The following CCDC125 variants were observed in gnomAD, a reference collection of about 807,000 sequenced individuals.
The protein encoded by CCDC125 is coiled-coil domain containing 125, also known as coiled-coil domain-containing protein 125.
Under a neutral mutation model 57.4 loss-of-function variants are expected in CCDC125, and 43 were observed. The observed-to-expected ratio is 0.75, with a 90% CI of 0.59 to 0.97. The LOEUF is 0.97. Among genes scored for constraint, CCDC125 ranks in the 50% least tolerant of loss-of-function variants. CCDC125 has a pLI of 0.00. For missense variants in CCDC125, 563 were observed against 595.7 expected, an observed-to-expected ratio of 0.95 and a Z score of 0.57; for synonymous variants, 187 against 195.2, an observed-to-expected ratio of 0.96 and a Z score of 0.35.
At position 69,325,640 on chromosome 5, in the gene CCDC125, AT is replaced by A. The variant is rs138910933; in HGVS notation, c.-40-5061del. On this transcript the variant is annotated intron_variant, in intron 1 of 11. Coordinates refer to ENST00000396496, the MANE Select transcript of CCDC125 (RefSeq NM_176816.5). ...AGAGTTTAGGACCAGCCTGGCCAAC[AT>A]GGTGAAACCTCATCTCTACTAAAAA... 7.9e-3 allele frequency among the ~76,000 whole-genome samples: 1,199 copies of A among 151,490 alleles called. 15 individuals are homozygous for A. The highest frequency in any genetic ancestry group is 0.028 in the African/African-American group (1,162 of 41,268).
At chr5:69,330,472 T>C (rs1327943609) in intron 1 of CCDC125, among the ~76,000 whole-genome samples, 1 of 151,876 alleles carries the variant, frequency 6.6e-6, no homozygotes, top group Non-Finnish European at 1.5e-5. Flanking sequence ...TGTGCACCTG[T>C]AGTCCCAGCT....
intron 1 of CCDC125, among the ~76,000 whole-genome samples, chr5:69,325,825 CAAAAAAAAAAAAAAA>C (rs70992925): frequency 2.8e-5 from 1 of 35,634 alleles, no homozygotes; most frequent in African/African-American, 9.8e-5. Context: ...CCCTCTGTCT[CAAAAAAAAAAAAAAA>C]AAAAAAAAAA....
chr5:69,308,183 C>A, intron 4 of CCDC125, 155 bp from the exon 5 acceptor site: 1 of 617,706 alleles, frequency 1.6e-6, no homozygotes, highest in East Asian at 2.8e-5. Flanking sequence ...TCTGATAGTT[C>A]AAAAGTCAGG....
downstream of CCDC125, chr5:69,277,216 ATGCTG>A: frequency 1.0e-6 from 1 of 1,004,842 alleles, no homozygotes; most frequent in Non-Finnish European, 1.5e-6. Flanking sequence ...CATTAAGTAA[ATGCTG>A]TAGAAGTGAG....
rs763303289 is a variant in CCDC125 at position 69,282,843 on chromosome 5, A to T, written c.1422T>A (p.Ser474Arg). The change falls in exon 12 of 12, where the codon AGT (serine) becomes AGA (arginine). Residue 474 changes from serine (S) to arginine (R), a missense_variant. Coordinates refer to ENST00000396496, the MANE Select transcript of CCDC125 (RefSeq NM_176816.5). ...FSVLGDPIHS[S>R]VCILNSVGCI... is the part of the protein sequence containing the mutation. Reference sequence around the variant, plus strand: ...AGCCCACAGAATTTAAAATGCAGACACTTGAATGTATAGGATCACCCAAAA... The same window carrying T: ...AGCCCACAGAATTTAAAATGCAGACTCTTGAATGTATAGGATCACCCAAAA... The T allele has an allele frequency of 5.6e-6, 9 of 1,613,964 alleles. No individual in the cohort carries two copies. The South Asian group carries it at 9.9e-5, about 18-fold the overall frequency.
intron 10 of CCDC125, among the ~76,000 whole-genome samples, chr5:69,290,899 G>A (rs1357465330): frequency 6.6e-6 from 1 of 151,888 alleles, no homozygotes; most frequent in African/African-American, 2.4e-5. Context: ...CAAAGTGCTG[G>A]GATTACAGGC....
chr5:69,300,826 C>T (rs1580076345), intron 7 of CCDC125, among the ~76,000 whole-genome samples: 1 of 149,416 alleles, frequency 6.7e-6, no homozygotes, highest in Non-Finnish European at 1.5e-5. Context: ...CTCTCAGCCC[C>T]AGGGCCTAAT....
At chr5:69,286,188 CTATATATA>C (rs59035946) in intron 10 of CCDC125, among the ~76,000 whole-genome samples, 2,356 of 51,284 alleles carry the variant, frequency 0.046, 39 homozygotes, top group Non-Finnish European at 0.049. Context: ...AAATGGTAAA[CTATATATA>C]TATATATATA....
At chr5:69,322,560 CA>C (rs1009387749) in intron 1 of CCDC125, among the ~76,000 whole-genome samples, 6 of 147,826 alleles carry the variant, frequency 4.1e-5, no homozygotes, top group Non-Finnish European at 6.0e-5. Context: ...CCTGTCTCTA[CA>C]AAAAAAAAAT....
At position 69,280,289 on chromosome 5, in the gene CCDC125, A is replaced by G. The variant is rs1752400880; in HGVS notation, c.*2440T>C. 1 of 152,164 alleles carries G rather than the reference A, an allele frequency of 6.6e-6. No individual in the cohort carries two copies. Among genetic ancestry groups the G allele is most frequent in the Admixed American group, 6.6e-5 (1 of 15,264 alleles). The allele number at this position is 152,164 out of a possible 1,614,324, so 9.4% of individuals were successfully genotyped here. On this transcript the variant is annotated 3_prime_UTR_variant, in exon 12 of 12. Coordinates refer to ENST00000396496, the MANE Select transcript of CCDC125 (RefSeq NM_176816.5). The stretch of plus-strand genomic sequence containing the variant: ...CCTTCTAGAGAGCATACACATTTTG[A>G]TTTTACCTGTCCTCAAACTGATCCT...
chr5:69,275,546 GA>G (rs1703102785), downstream of CCDC125, among the ~76,000 whole-genome samples: 1 of 152,154 alleles, frequency 6.6e-6, no homozygotes, highest in African/African-American at 2.4e-5. Context: ...TCCGAAATCT[GA>G]AATGCTCCAA....
chr5:69,329,564 C>T (rs1416567465), intron 1 of CCDC125, among the ~76,000 whole-genome samples: 1 of 132,278 alleles, frequency 7.6e-6, no homozygotes, highest in Non-Finnish European at 1.5e-5. Context: ...AGTGCAATGG[C>T]GTGATCACGG....
chr5:69,306,700 A>G lies in CCDC125; in HGVS notation c.617+117T>C, dbSNP rs1757382096. 2.6e-6 allele frequency: 3 copies of G among 1,147,796 alleles called. No homozygotes were observed. In the South Asian group the frequency reaches 1.0e-4, roughly 38 times the overall value. The allele number at this position is 1,147,796 out of a possible 1,614,324, so 71.1% of individuals were successfully genotyped here. Reference sequence around the variant, plus strand: ...AAAAATATGCGACTAGTAAGTGGATAAGCAATAAAAATTTTGTAATATTTT... The same window carrying G: ...AAAAATATGCGACTAGTAAGTGGATGAGCAATAAAAATTTTGTAATATTTT... On this transcript the variant is annotated intron_variant, in intron 6 of 11. Coordinates refer to ENST00000396496, the MANE Select transcript of CCDC125 (RefSeq NM_176816.5).
In CCDC125 at chr5:69,311,136, C is replaced by T. The variant is rs777975353; in HGVS notation, c.435G>A (p.Leu145=). 4.9e-5 allele frequency: 79 copies of T among 1,606,316 alleles called. No individual in the cohort carries two copies. Among genetic ancestry groups the T allele is most frequent in the Non-Finnish European group, 6.2e-5 (73 of 1,174,778 alleles). ...QRQLRGKEEA[L]KILQSMAILG... Reference sequence around the variant, plus strand: ...TTCTTACCATGCTTTGAAGAATTTTCAATGCTTCCTCTTTACCTCTGAGTT... The same window carrying T: ...TTCTTACCATGCTTTGAAGAATTTTTAATGCTTCCTCTTTACCTCTGAGTT... The change falls in exon 4 of 12, where the codon TTG becomes TTA. Residue 145 remains leucine, a synonymous_variant. Transcript: ENST00000396496.
intron 1 of CCDC125, among the ~76,000 whole-genome samples, chr5:69,325,825 CAAAAAAAAAA>C (rs70992925): frequency 1.7e-4 from 6 of 35,634 alleles, no homozygotes; most frequent in African/African-American, 3.9e-4. Context: ...CCCTCTGTCT[CAAAAAAAAAA>C]AAAAAAAAAA....
At chr5:69,278,703 CTT>C (rs34258569), downstream of CCDC125, among the ~76,000 whole-genome samples, 7 of 108,118 alleles carry the variant, frequency 6.5e-5, no homozygotes, top group Admixed American at 1.2e-4. Flanking sequence ...TCTCTCTCTC[CTT>C]TTTTTTTTTT....
At chr5:69,289,146 A>G (rs1024290937) in intron 10 of CCDC125, among the ~76,000 whole-genome samples, 6 of 152,208 alleles carry the variant, frequency 3.9e-5, no homozygotes, top group Non-Finnish European at 8.8e-5. Context: ...TAAGATTAAG[A>G]TTACTTTAAC....
chr5:69,325,095 G>A (rs527315267), intron 1 of CCDC125, among the ~76,000 whole-genome samples: 2 of 152,216 alleles, frequency 1.3e-5, no homozygotes, highest in South Asian at 2.1e-4. Flanking sequence ...AAGCCAAGGT[G>A]GGCGGATCAC....
At chr5:69,328,364 T>C (rs1046467896) in intron 1 of CCDC125, among the ~76,000 whole-genome samples, 22 of 152,294 alleles carry the variant, frequency 1.4e-4, no homozygotes, top group African/African-American at 4.8e-4. Context: ...TTAACAACTT[T>C]ATAAAATACT....
Sources: allele counts gnomAD v4.1 joint callset (sites outside exome capture counted in the v4.1 genomes callset), GRCh38; gene constraint gnomAD v4.1.1; transcripts MANE v1.5; gene names NCBI Gene and HGNC (gene_info 2026-07-23, HGNC 2026-07-21).